Variants in PCDH9 observed in about 807,000 individuals in gnomAD.
PCDH9 encodes protocadherin 9.
Under a neutral mutation model 70.6 loss-of-function variants are expected in PCDH9, and 24 were observed. That is an observed-to-expected ratio of 0.34 (90% CI 0.25 to 0.48). The LOEUF (loss-of-function observed/expected upper bound fraction) is 0.48. PCDH9 is among the 20% of genes least tolerant of loss of function. The probability of loss-of-function intolerance (pLI) is 0.99; values close to 1 mark genes in which losing one functional copy is unlikely to be tolerated. For missense variants in PCDH9, 1,281 were observed against 1,503.6 expected (o/e 0.85, Z 2.45); for synonymous variants, 562 against 558.5 (o/e 1.01, Z -0.09).
chr13:67,124,910 A>G (rs764339150), intron 2 of PCDH9, among the ~76,000 whole-genome samples: 2 of 152,166 alleles, frequency 1.3e-5, no homozygotes, highest in Non-Finnish European at 2.9e-5. Context: ...ATTCTCAAAA[A>G]CCTTTCTAAA....
chr13:66,378,495 C>T (rs760885020), intron 4 of PCDH9, among the ~76,000 whole-genome samples: 97 of 152,044 alleles, frequency 6.4e-4, no homozygotes, highest in Admixed American at 6.6e-4. Context: ...AGAAAGTCAT[C>T]GTAAAGACTG....
intron 2 of PCDH9, among the ~76,000 whole-genome samples, chr13:66,910,987 AAT>A (rs1187124633): frequency 1.3e-5 from 2 of 152,228 alleles, no homozygotes; most frequent in Non-Finnish European, 2.9e-5. Flanking sequence ...CAGAGATAGC[AAT>A]AGAGTTATAT....
intron 2 of PCDH9, among the ~76,000 whole-genome samples, chr13:67,180,920 AC>A (rs1299370717): frequency 6.6e-6 from 1 of 152,058 alleles, no homozygotes; most frequent in Non-Finnish European, 1.5e-5. Flanking sequence ...TTGTATTGTT[AC>A]CTTTTAGCAC....
At chr13:67,127,244 A>G (rs9541013) in intron 2 of PCDH9, among the ~76,000 whole-genome samples, 12,903 of 152,222 alleles carry the variant, frequency 0.085, 573 homozygotes, top group Non-Finnish European at 0.092. Flanking sequence ...GATGAACTCA[A>G]TGGAAAAACA....
chr13:67,119,471 T>C (rs1955506417), intron 2 of PCDH9, among the ~76,000 whole-genome samples: 1 of 152,170 alleles, frequency 6.6e-6, no homozygotes, highest in Non-Finnish European at 1.5e-5. Context: ...AAACATATTC[T>C]TAGACATTGT....
chr13:67,122,176 C>T lies in PCDH9; in HGVS notation c.3036+103229G>A, dbSNP rs538452648. 1.8e-4 allele frequency among the ~76,000 whole-genome samples: 28 copies of T among 152,190 alleles called. 1 individual carries two copies. The South Asian group carries it at 3.7e-3, about 20-fold the overall frequency. On this transcript the variant is annotated intron_variant, in intron 2 of 4. Coordinates refer to ENST00000377865, the MANE Select transcript of PCDH9 (RefSeq NM_203487.3). ...AAGCATTCTCCTCACATGGTAGAGA[C>T]GCCTGAGAAAGGAAACAATATCTTT... is the stretch of plus-strand genomic sequence containing the variant.
Position 66,897,457 on chromosome 13 carries a change from G to A in PCDH9, c.3138+6047C>T, listed in dbSNP as rs574126214. Among the ~76,000 whole-genome samples the A allele has an allele frequency of 2.6e-5, 4 of 152,184 alleles. No individual in the cohort carries two copies. In the East Asian group the frequency reaches 7.7e-4, roughly 29 times the overall value. On this transcript the variant is annotated intron_variant, in intron 3 of 4. Transcript: ENST00000377865. ...TACTTGACTTAAGGAACATATTGAT[G>A]GCCCCATTTAAAAAATGAAATCAAT...
chr13:66,537,466 C>T (rs945605420), intron 4 of PCDH9, among the ~76,000 whole-genome samples: 3 of 152,058 alleles, frequency 2.0e-5, no homozygotes, highest in South Asian at 2.1e-4. Flanking sequence ...AAGATAACAT[C>T]CAAACAGAAA....
At position 66,762,336 on chromosome 13, in the gene PCDH9, A is replaced by C. The variant is rs1362462455; in HGVS notation, c.3139-130925T>G. Among the ~76,000 whole-genome samples, 2 of 152,092 alleles carry C rather than the reference A, an allele frequency of 1.3e-5. 1 individual carries two copies. Among genetic ancestry groups the C allele is most frequent in the African/African-American group, 4.8e-5 (2 of 41,376 alleles). ...ATGCATTCCCTCCTAGCACTGAGAC[A>C]GGCCAGGAGGCTAAATTAATGGACA... On this transcript the variant is annotated intron_variant, in intron 3 of 4. Transcript: ENST00000377865.
At chr13:67,162,831 GA>G (rs140145043) in intron 2 of PCDH9, among the ~76,000 whole-genome samples, 7,331 of 148,160 alleles carry the variant, frequency 0.049, 330 homozygotes, top group African/African-American at 0.11. Context: ...GTACTGAACT[GA>G]AAAAAAAAAT....
chr13:66,701,743 A>G (rs914460515), intron 3 of PCDH9, among the ~76,000 whole-genome samples: 1 of 151,976 alleles, frequency 6.6e-6, no homozygotes, highest in Non-Finnish European at 1.5e-5. Context: ...GTTGAATTTT[A>G]TTTCTTTAAT....
chr13:66,860,849 A>G (rs1416064086), intron 3 of PCDH9, among the ~76,000 whole-genome samples: 1 of 152,238 alleles, frequency 6.6e-6, no homozygotes, highest in Non-Finnish European at 1.5e-5. Context: ...GGGAAAGGTC[A>G]TTTCTTTACA....
At chr13:67,172,643 C>T (rs546218391) in intron 2 of PCDH9, among the ~76,000 whole-genome samples, 1 of 151,936 alleles carries the variant, frequency 6.6e-6, no homozygotes, top group South Asian at 2.1e-4. Context: ...TATGGGAGAC[C>T]GAGGTGGGAG....
intron 2 of PCDH9, among the ~76,000 whole-genome samples, chr13:67,185,690 T>C (rs866169118): frequency 1.3e-5 from 2 of 152,330 alleles, no homozygotes; most frequent in Middle Eastern, 3.4e-3. Context: ...TTCCAAATTA[T>C]TTTCTGGAAT....
intron 4 of PCDH9, among the ~76,000 whole-genome samples, chr13:66,332,766 G>A (rs1025656011): frequency 5.3e-5 from 8 of 151,592 alleles, no homozygotes; most frequent in African/African-American, 1.9e-4. Flanking sequence ...AGAGCAGTGT[G>A]CATTAGAAAA....
chr13:67,073,265 A>G (rs2085804574), intron 2 of PCDH9, among the ~76,000 whole-genome samples: 1 of 152,144 alleles, frequency 6.6e-6, no homozygotes, highest in Non-Finnish European at 1.5e-5. Flanking sequence ...GCTAAGGTGA[A>G]TGGATCTGGA....
chr13:66,946,330 C>T (rs1444796811), intron 2 of PCDH9, among the ~76,000 whole-genome samples: 1 of 151,784 alleles, frequency 6.6e-6, no homozygotes, highest in African/African-American at 2.4e-5. Context: ...AACTATCATA[C>T]CTTCACATTT....
At chr13:66,335,017 G>C (rs894895776) in intron 4 of PCDH9, among the ~76,000 whole-genome samples, 3 of 152,000 alleles carry the variant, frequency 2.0e-5, no homozygotes, top group African/African-American at 7.3e-5. Flanking sequence ...CTTGCCCAAA[G>C]CTTCATAAAA....
chr13:66,950,931 T>G (rs1407045457), intron 2 of PCDH9, among the ~76,000 whole-genome samples: 1 of 151,806 alleles, frequency 6.6e-6, no homozygotes, highest in African/African-American at 2.4e-5. Flanking sequence ...ATGTGAATTT[T>G]CTATCAGATA....
Sources: gnomAD v4.1 joint callset for allele counts (sites outside exome capture counted in the v4.1 genomes callset) on GRCh38, gnomAD v4.1.1 for gene constraint, MANE v1.5 for transcripts, NCBI Gene and HGNC (gene_info 2026-07-23, HGNC 2026-07-21) for gene names.